ADNP2: variants seen among roughly 807,000 people sequenced by gnomAD.
The protein encoded by ADNP2 is activity-dependent neuroprotector homeobox protein 2.
A neutral mutation model predicts 16.4 loss-of-function variants in ADNP2; 8 were observed. That is an observed-to-expected ratio of 0.49 (90% CI 0.29 to 0.88). The LOEUF is 0.88. Among genes scored for constraint, ADNP2 ranks in the 40% least tolerant of loss-of-function variants. The pLI is 0.09. For synonymous variants in ADNP2, 637 were observed against 545.8 expected (o/e 1.17, Z -2.33); for missense variants, 1,397 against 1,395.1 (o/e 1.00, Z -0.02).
chr18:80,121,047 G>T (rs1200301664), intron 2 of ADNP2, among the ~76,000 whole-genome samples: 1 of 152,152 alleles, frequency 6.6e-6, no homozygotes, highest in African/African-American at 2.4e-5. Context: ...CTTTTTCAAA[G>T]AACTGCCAAA....
chr18:80,136,342 C>G lies in ADNP2; in HGVS notation c.929C>G (p.Thr310Ser). 6.2e-7 allele frequency: 1 copy of G among 1,614,236 alleles called. No homozygotes were observed. Among genetic ancestry groups the G allele is most frequent in the South Asian group, 1.1e-5 (1 of 91,088 alleles). The stretch of plus-strand genomic sequence containing the variant: ...AGCCCAGCCGCAGGACAGCCAGTGA[C>G]TGTGGCCCAGGGTGCCCCTGGAAGC... ...SPSPAAGQPV[T>S]VAQGAPGSLT... Residue 310 changes from threonine to serine, a missense_variant, in exon 4 of 4, where the codon ACT becomes AGT. By Grantham distance (58) the Thr-to-Ser change is moderately conservative. Transcript: ENST00000262198.
intron 2 of ADNP2, among the ~76,000 whole-genome samples, chr18:80,119,556 T>C (rs2052411390): frequency 6.6e-6 from 1 of 152,240 alleles, no homozygotes; most frequent in African/African-American, 2.4e-5. Flanking sequence ...CTCTGCCTTC[T>C]TGTAAGATTT....
chr18:80,132,938 C>G lies in ADNP2; in HGVS notation c.109-165C>G, dbSNP rs574100983. On this transcript the variant is annotated intron_variant, in intron 2 of 3. Transcript: ENST00000262198. ...GTTTCGCCATGTTGGCCAGGCTGGT[C>G]TCGACCTCCTGGCCTCAAGTGATCC... Among the ~76,000 whole-genome samples the G allele has an allele frequency of 5.6e-4, 86 of 152,214 alleles. 1 individual carries two copies. The highest frequency in any genetic ancestry group is 1.2e-4 in the Non-Finnish European group (8 of 68,008).
intron 1 of ADNP2, among the ~76,000 whole-genome samples, chr18:80,112,997 A>T (rs966594792): frequency 2.6e-5 from 4 of 152,200 alleles, no homozygotes; most frequent in Admixed American, 2.0e-4. Context: ...ATCAAGTCTG[A>T]TAGAGTCCCT....
In ADNP2 at chr18:80,109,286, G is replaced by A. The variant is rs1279978183; in HGVS notation, c.-200G>A. 6.6e-6 allele frequency: 1 copy of A among 151,856 alleles called. No individual in the cohort carries two copies. Among genetic ancestry groups the A allele is most frequent in the Non-Finnish European group, 1.5e-5 (1 of 67,944 alleles). 9.4% of individuals were successfully genotyped at this position (151,856 alleles called of 1,614,324 possible). The stretch of plus-strand genomic sequence containing the variant: ...CAATCGAGCGCCATTTTCTCTTTCT[G>A]GCTGCGCGGGAGGAGGGGACCAGTC... On this transcript the variant is annotated 5_prime_UTR_variant, in exon 1 of 4. Transcript: ENST00000262198.
Position 80,130,012 on chromosome 18 carries a change from C to T in ADNP2, c.109-3091C>T, listed in dbSNP as rs572849716. Reference sequence around the variant, plus strand: ...TCCTTTCCTTTGAGCTGTGACTTTTCAAAGTGAGTAGTTAGTTAACCTTTC... The same window carrying T: ...TCCTTTCCTTTGAGCTGTGACTTTTTAAAGTGAGTAGTTAGTTAACCTTTC... On this transcript the variant is annotated intron_variant, in intron 2 of 3. Transcript: ENST00000262198. Among the ~76,000 whole-genome samples, 276 of 152,306 alleles carry T rather than the reference C, an allele frequency of 1.8e-3. 1 individual carries two copies. Among genetic ancestry groups the T allele is most frequent in the Non-Finnish European group, 2.7e-3 (187 of 68,022 alleles).
rs1263872556 is a variant in ADNP2, at chr18:80,133,097, T to A, written c.109-6T>A. Reference sequence around the variant, plus strand: ...ATAATCTCTTTTTTTTCTCCCTTTTTAAAAGGACCTTAAAGGCTTTGATCC... The same window carrying A: ...ATAATCTCTTTTTTTTCTCCCTTTTAAAAAGGACCTTAAAGGCTTTGATCC... On this transcript the variant is annotated splice_region_variant and splice_polypyrimidine_tract_variant and intron_variant, in intron 2 of 3. Transcript: ENST00000262198. The A allele has an allele frequency of 1.3e-6, 2 of 1,580,010 alleles. No individual in the cohort carries two copies. Among genetic ancestry groups the A allele is most frequent in the African/African-American group, 2.7e-5 (2 of 72,932 alleles).
rs748608063 is a variant in ADNP2, at chr18:80,138,793, TTGAATA to T, written c.3385_3390del (p.Tyr1129_Glu1130del). The T allele has an allele frequency of 3.9e-6, 6 of 1,544,262 alleles. No homozygotes were observed. The African/African-American group carries it at 4.3e-5, about 11-fold the overall frequency. On this transcript the variant is annotated inframe_deletion, in exon 4 of 4. Transcript: ENST00000262198. ...AAAAATGTGAAACATAGATTGAACT[TTGAATA>T]TGAACCATAAAACTTGCAAAAAAAA...
rs568018836 is a variant in ADNP2, at chr18:80,112,449, G to C, written c.-14+2977G>C. On this transcript the variant is annotated intron_variant, in intron 1 of 3. Transcript: ENST00000262198. ...ACTGCTAAACAAAAAAAAAAAGGAG[G>C]GGGGAACTTTTCCCCCTCCTTTTTT... Among the ~76,000 whole-genome samples, 3 of 151,980 alleles carry C rather than the reference G, an allele frequency of 2.0e-5. No individual in the cohort carries two copies. The South Asian group carries it at 6.2e-4, about 32-fold the overall frequency.
At position 80,137,678 on chromosome 18, in the gene ADNP2, G is replaced by C; in HGVS notation, c.2265G>C (p.Leu755Phe). The C allele has an allele frequency of 1.9e-6, 3 of 1,614,186 alleles. No homozygotes were observed. Among genetic ancestry groups the C allele is most frequent in the Non-Finnish European group, 2.5e-6 (3 of 1,180,026 alleles). The change falls in exon 4 of 4, where the codon TTG becomes TTC. Residue 755 changes from leucine to phenylalanine, a missense_variant. By Grantham distance (22) the Leu-to-Phe change is conservative. Coordinates refer to ENST00000262198, the MANE Select transcript of ADNP2 (RefSeq NM_014913.4). This position sits in a 1 kb window ranked among gnomAD's most constrained non-coding sequence, Gnocchi z 4.2. ...KTVRCLSCKC[L>F]VSEEELIHHL... ...TGCGATGTCTGTCTTGTAAGTGCTT[G>C]GTCTCTGAGGAAGAGCTTATACACC...
rs776698719 is a variant in ADNP2, at chr18:80,137,304, C to G, written c.1891C>G (p.Leu631Val). ...CACTCTGCCGGTTCCCCCTGGAGGC[C>G]TTGCGACTGTCGCTCCGCCCCAGAT... ...SVTLPVPPGG[L>V]ATVAPPQMPI... Residue 631 changes from leucine (L) to valine (V), a missense_variant, in exon 4 of 4, where the codon CTT (leucine) becomes GTT (valine). Around this residue, in one of 3 missense-constraint regions of ADNP2, gnomAD observed 611 missense variants for 648.7 expected, o/e 0.94. Coordinates refer to ENST00000262198, the MANE Select transcript of ADNP2 (RefSeq NM_014913.4). The surrounding 1 kb of genome is among the most constrained non-coding windows in gnomAD (Gnocchi z 4.2). 6.2e-7 allele frequency: 1 copy of G among 1,613,880 alleles called. No homozygotes were observed. The highest frequency in any genetic ancestry group is 1.3e-5 in the African/African-American group (1 of 74,930).
intron 1 of ADNP2, among the ~76,000 whole-genome samples, chr18:80,110,423 G>C (rs2052350334): frequency 6.6e-6 from 1 of 152,176 alleles, no homozygotes; most frequent in African/African-American, 2.4e-5. Flanking sequence ...TGGAGGAGTG[G>C]GGTGGGGGAG....
chr18:80,131,416 A>T (rs901094846), intron 2 of ADNP2, among the ~76,000 whole-genome samples: 2 of 152,248 alleles, frequency 1.3e-5, no homozygotes, highest in Non-Finnish European at 2.9e-5. Context: ...CTGAGAAAAA[A>T]ATCCTCTATA....
At chr18:80,131,940 C>T (rs2052499532) in intron 2 of ADNP2, among the ~76,000 whole-genome samples, 1 of 152,104 alleles carries the variant, frequency 6.6e-6, no homozygotes, top group African/African-American at 2.4e-5. Context: ...GATACATGCA[C>T]ATGTATGTTT....
At position 80,135,716 on chromosome 18, in the gene ADNP2, C is replaced by G; in HGVS notation, c.303C>G (p.Asp101Glu). 6.2e-7 allele frequency: 1 copy of G among 1,614,202 alleles called. No individual in the cohort carries two copies. ...HLHRYHEDEI[D>E]QELVIPCPNC... ...ATCGTTACCATGAAGATGAAATTGA[C>G]CAAGAGCTGGTGATCCCTTGCCCAA... The change falls in exon 4 of 4, where the codon GAC (aspartate) becomes GAG (glutamate). Residue 101 changes from aspartate (D) to glutamate (E), a missense_variant. By Grantham distance (45) the Asp-to-Glu change is conservative. This residue lies in a region of ADNP2 where 777 missense variants were observed against 719.4 expected (regional missense o/e 1.08). Coordinates refer to ENST00000262198, the MANE Select transcript of ADNP2 (RefSeq NM_014913.4).
At position 80,137,387 on chromosome 18, in the gene ADNP2, C is replaced by T. The variant is rs1395586422; in HGVS notation, c.1974C>T (p.Gly658=). 14 of 1,614,072 alleles carry T rather than the reference C, an allele frequency of 8.7e-6. No individual in the cohort carries two copies. The highest frequency in any genetic ancestry group is 1.7e-5 in the Admixed American group (1 of 60,018). Residue 658 remains glycine, a synonymous_variant, in exon 4 of 4, where the codon GGC becomes GGT. Transcript: ENST00000262198. The surrounding 1 kb of genome is among the most constrained non-coding windows in gnomAD (Gnocchi z 4.2). ...AAAPMAGSMP[G]MPSPPVLVNA... is the part of the protein sequence containing the mutation. ...CACCAATGGCCGGTTCCATGCCCGGCATGCCCTCTCCTCCAGTGCTGGTGA... is the reference window on the plus strand; with the variant it reads ...CACCAATGGCCGGTTCCATGCCCGGTATGCCCTCTCCTCCAGTGCTGGTGA...
rs778734908 is a variant in ADNP2 at position 80,117,531 on chromosome 18, A to G, written c.-12A>G. On this transcript the variant is annotated splice_region_variant and 5_prime_UTR_variant, in exon 2 of 4. Transcript: ENST00000262198. ...AGTTTTGTTTTCTTTCCTTTTAAGG[A>G]AAATTTCAAAAATGTTTCAAATTCC... The G allele has an allele frequency of 2.5e-6, 4 of 1,579,186 alleles. No homozygotes were observed. In the South Asian group the frequency reaches 4.7e-5, roughly 18 times the overall value.
At position 80,137,972 on chromosome 18, in the gene ADNP2, G is replaced by T. The variant is rs370398993; in HGVS notation, c.2559G>T (p.Val853=). Reference sequence around the variant, plus strand: ...CTGGGATACACTCCAAGTCACTGGTGCCTGTGTATGTGAAGGTGAGGCCTC... The same window carrying T: ...CTGGGATACACTCCAAGTCACTGGTTCCTGTGTATGTGAAGGTGAGGCCTC... The part of the protein sequence containing the change: ...ILAGIHSKSL[V]PVYVKVRPQA... The change falls in exon 4 of 4, where the codon GTG becomes GTT. Residue 853 remains valine (V), a synonymous_variant. Transcript: ENST00000262198. The surrounding 1 kb of genome is among the most constrained non-coding windows in gnomAD (Gnocchi z 4.2). 2.5e-6 allele frequency: 4 copies of T among 1,613,116 alleles called. No homozygotes were observed. The highest frequency in any genetic ancestry group is 3.4e-6 in the Non-Finnish European group (4 of 1,180,026).
In ADNP2 at chr18:80,136,217, A is replaced by C; in HGVS notation, c.804A>C (p.Pro268=). 1 of 1,614,268 alleles carries C rather than the reference A, an allele frequency of 6.2e-7. No homozygotes were observed. The highest frequency in any genetic ancestry group is 2.2e-5 in the East Asian group (1 of 44,890). The change falls in exon 4 of 4, where the codon CCA becomes CCC. Residue 268 remains proline (P), a synonymous_variant. Coordinates refer to ENST00000262198, the MANE Select transcript of ADNP2 (RefSeq NM_014913.4). The part of the protein sequence containing the change: ...TGLLKQTHIA[P]KPAAHLAAPA... ...TCTTGAAGCAAACGCACATTGCTCC[A>C]AAACCAGCAGCACATTTGGCTGCAC...
Sources: allele counts gnomAD v4.1 joint callset (sites outside exome capture counted in the v4.1 genomes callset), GRCh38; gene constraint gnomAD v4.1.1; regional missense constraint gnomAD v4.1.1; non-coding constraint Gnocchi (gnomAD v3.1); transcripts MANE v1.5; gene names NCBI Gene and HGNC (gene_info 2026-07-23, HGNC 2026-07-21).